Variants in CAMKMT observed in about 807,000 individuals in gnomAD.
The protein encoded by CAMKMT is calmodulin-lysine N-methyltransferase.
A neutral mutation model predicts 48.0 loss-of-function variants in CAMKMT; 53 were observed. The observed-to-expected ratio is 1.10, with a 90% CI of 0.89 to 1.39. The LOEUF is 1.39. Ranked by LOEUF, CAMKMT falls within the 40% of genes most tolerant of loss-of-function variation. CAMKMT has a pLI of 0.00. For synonymous variants in CAMKMT, 165 were observed against 152.3 expected, an observed-to-expected ratio of 1.08 and a Z score of -0.61; for missense variants, 428 against 402.7, an observed-to-expected ratio of 1.06 and a Z score of -0.54.
intron 5 of CAMKMT, 34 bp downstream of exon 5, chr2:44,706,375 G>C: frequency 6.2e-7 from 1 of 1,609,594 alleles, no homozygotes; most frequent in East Asian, 2.2e-5. Context: ...CCCATTCAGA[G>C]GGAGGAACAA....
intron 3 of CAMKMT, among the ~76,000 whole-genome samples, chr2:44,597,713 G>T (rs1328966315): frequency 6.6e-6 from 1 of 152,000 alleles, no homozygotes; most frequent in Non-Finnish European, 1.5e-5. Flanking sequence ...TAACATATAT[G>T]CTTCCTTATT....
intron 2 of CAMKMT, among the ~76,000 whole-genome samples, chr2:44,378,652 C>T (rs1397783341): frequency 6.6e-6 from 1 of 152,120 alleles, no homozygotes; most frequent in Non-Finnish European, 1.5e-5. Flanking sequence ...TGCCACCACG[C>T]CCAGCTAATT....
chr2:44,671,680 T>G (rs761615504), intron 3 of CAMKMT, among the ~76,000 whole-genome samples: 1 of 152,174 alleles, frequency 6.6e-6, no homozygotes, highest in Non-Finnish European at 1.5e-5. Context: ...TTTCAGGGAT[T>G]TTTTTGGTGT....
chr2:44,727,754 T>C (rs1038940449), intron 7 of CAMKMT, among the ~76,000 whole-genome samples: 3 of 152,318 alleles, frequency 2.0e-5, no homozygotes, highest in South Asian at 4.1e-4. Context: ...TTGTCATAGA[T>C]GGCTCTTATT....
At chr2:44,626,030 CA>C (rs1672461167) in intron 3 of CAMKMT, among the ~76,000 whole-genome samples, 1 of 152,096 alleles carries the variant, frequency 6.6e-6, no homozygotes. Context: ...ATCAGGTTGG[CA>C]ATCTCTAAAA....
At chr2:44,365,087 A>G (rs1378309394) in intron 1 of CAMKMT, among the ~76,000 whole-genome samples, 1 of 152,244 alleles carries the variant, frequency 6.6e-6, no homozygotes, top group Non-Finnish European at 1.5e-5. Flanking sequence ...TTTCAAATGA[A>G]TGAACCATTC....
chr2:44,564,865 G>C (rs927226638), intron 3 of CAMKMT, among the ~76,000 whole-genome samples: 7 of 152,142 alleles, frequency 4.6e-5, no homozygotes, highest in Non-Finnish European at 1.0e-4. Context: ...TTAAACCTTG[G>C]TTGGACTTGG....
intron 3 of CAMKMT, among the ~76,000 whole-genome samples, chr2:44,494,074 A>G (rs1015628871): frequency 6.6e-6 from 1 of 152,254 alleles, no homozygotes; most frequent in Non-Finnish European, 1.5e-5. Flanking sequence ...GAAATGTGTT[A>G]CATTAAAGTG....
intron 7 of CAMKMT, among the ~76,000 whole-genome samples, chr2:44,728,510 A>T (rs989540221): frequency 6.6e-6 from 1 of 152,238 alleles, no homozygotes; most frequent in African/African-American, 2.4e-5. Flanking sequence ...GTTCTTCTTC[A>T]TATGTCTGGC....
intron 3 of CAMKMT, among the ~76,000 whole-genome samples, chr2:44,433,562 A>G (rs547770353): frequency 2.6e-5 from 4 of 152,316 alleles, no homozygotes; most frequent in Non-Finnish European, 5.9e-5. Context: ...CTTAGTCTAA[A>G]TTAAAAAAAG....
chr2:44,714,927 C>T (rs1490788397), intron 6 of CAMKMT, among the ~76,000 whole-genome samples: 1 of 152,188 alleles, frequency 6.6e-6, no homozygotes, highest in Non-Finnish European at 1.5e-5. Context: ...GGCGCAGTGG[C>T]TCACACCTGT....
At chr2:44,456,790 T>C (rs1667586697) in intron 3 of CAMKMT, 3 of 552,878 alleles carry the variant, frequency 5.4e-6, no homozygotes, top group Non-Finnish European at 9.0e-6. Flanking sequence ...ATTAATCAGC[T>C]ATCCTATTTT....
rs1223497110 is a variant in CAMKMT at position 44,653,255 on chromosome 2, G to A, written c.377-51028G>A. Among the ~76,000 whole-genome samples the A allele has an allele frequency of 2.0e-5, 3 of 152,130 alleles. No homozygotes were observed. Among genetic ancestry groups the A allele is most frequent in the African/African-American group, 7.2e-5 (3 of 41,432 alleles). On this transcript the variant is annotated intron_variant, in intron 3 of 10. Transcript: ENST00000378494. This position sits in a 1 kb window ranked among gnomAD's most constrained non-coding sequence, Gnocchi z 5.2. ...ATATCCTCTTCAACTGGCCCAGAGA[G>A]CTCCTCTTCACAAGGCAGGTGTGGG...
At chr2:44,415,973 T>C (rs1441994960) in intron 3 of CAMKMT, among the ~76,000 whole-genome samples, 2 of 152,206 alleles carry the variant, frequency 1.3e-5, no homozygotes, top group African/African-American at 4.8e-5. Flanking sequence ...TAAATGGTTG[T>C]AGGTTTGATT....
At chr2:44,753,024 T>TCAGAC (rs1428742905) in intron 8 of CAMKMT, among the ~76,000 whole-genome samples, 1 of 151,708 alleles carries the variant, frequency 6.6e-6, no homozygotes, top group African/African-American at 2.4e-5. Flanking sequence ...GAAGACAGAG[T>TCAGAC]CAGACTGACC....
chr2:44,536,128 T>C (rs1014819192), intron 3 of CAMKMT, among the ~76,000 whole-genome samples: 10 of 152,122 alleles, frequency 6.6e-5, no homozygotes, highest in South Asian at 6.2e-4. Context: ...GCAAAGAAAA[T>C]ATCTAGACAT....
chr2:44,694,133 G>A (rs1676810601), intron 3 of CAMKMT, among the ~76,000 whole-genome samples: 1 of 152,214 alleles, frequency 6.6e-6, no homozygotes, highest in Non-Finnish European at 1.5e-5. Context: ...CGAACTATGA[G>A]AAGTGAAAAG....
chr2:44,744,639 T>C (rs2104375500), intron 8 of CAMKMT, among the ~76,000 whole-genome samples: 1 of 152,228 alleles, frequency 6.6e-6, no homozygotes, highest in Admixed American at 6.5e-5. Flanking sequence ...ATAAGGCCAA[T>C]CATAAGATCC....
rs1223636590 is a variant in CAMKMT, at chr2:44,438,914, G to T, written c.376+48609G>T. ...CCCTCCTACTGGGAAAATGGACACG[G>T]CATCCCCTTAACCCCTTGCCTGATC... On this transcript the variant is annotated intron_variant, in intron 3 of 10. Transcript: ENST00000378494. 3.3e-5 allele frequency among the ~76,000 whole-genome samples: 5 copies of T among 152,046 alleles called. No individual in the cohort carries two copies. In the South Asian group the frequency reaches 1.0e-3, roughly 32 times the overall value.
Sources: allele counts gnomAD v4.1 joint callset (sites outside exome capture counted in the v4.1 genomes callset), GRCh38; gene constraint gnomAD v4.1.1; non-coding constraint Gnocchi (gnomAD v3.1); transcripts MANE v1.5; gene names NCBI Gene and HGNC (gene_info 2026-07-23, HGNC 2026-07-21).